GRM1: variants seen among roughly 807,000 people sequenced by gnomAD.
GRM1 encodes glutamate metabotropic receptor 1.
GRM1 carries 33 observed loss-of-function variants against 90.9 expected under a neutral mutation model. That is an observed-to-expected ratio of 0.36 (90% CI 0.28 to 0.49). GRM1 has a LOEUF of 0.49. Ranked by LOEUF, GRM1 falls within the 20% of genes least tolerant of loss-of-function variation. The pLI is 0.99. For missense variants in GRM1, 1,190 were observed against 1,534.3 expected (o/e 0.78, Z 3.75); for synonymous variants, 700 against 613.2 (o/e 1.14, Z -2.09).
At chr6:146,429,567 C>T (rs375321484) in intron 7 of GRM1, among the ~76,000 whole-genome samples, 4 of 151,994 alleles carry the variant, frequency 2.6e-5, no homozygotes, top group South Asian at 2.1e-4. Context: ...AGAGGGCTGA[C>T]GAATGTGAAG....
At chr6:146,048,228 A>C (rs976381925) in intron 1 of GRM1, among the ~76,000 whole-genome samples, 2 of 152,008 alleles carry the variant, frequency 1.3e-5, no homozygotes, top group African/African-American at 4.8e-5. Flanking sequence ...TTGTTTTGTT[A>C]AGAGGCAATC....
chr6:146,388,384 T>A (rs1562659063), intron 6 of GRM1, among the ~76,000 whole-genome samples: 1 of 152,064 alleles, frequency 6.6e-6, no homozygotes, highest in Non-Finnish European at 1.5e-5. Context: ...GGACATTTTT[T>A]TACTTGTTTC....
intron 6 of GRM1, among the ~76,000 whole-genome samples, chr6:146,395,221 G>C (rs1776885510): frequency 1.3e-5 from 2 of 151,966 alleles, no homozygotes; most frequent in African/African-American, 4.8e-5. Flanking sequence ...CCACATATTA[G>C]ACATTTTCTA....
At chr6:146,375,467 G>A (rs1191131466) in intron 5 of GRM1, among the ~76,000 whole-genome samples, 1 of 151,928 alleles carries the variant, frequency 6.6e-6, no homozygotes, top group African/African-American at 2.4e-5. Context: ...CTGACTGAAA[G>A]ATCTGTCTAA....
intron 2 of GRM1, among the ~76,000 whole-genome samples, chr6:146,188,087 T>C (rs1768189856): frequency 6.6e-6 from 1 of 150,508 alleles, no homozygotes; most frequent in African/African-American, 2.5e-5. Context: ...CAAAAAAGGA[T>C]TAATTTTTCT....
intron 2 of GRM1, among the ~76,000 whole-genome samples, chr6:146,275,332 A>G (rs1347067272): frequency 6.6e-6 from 1 of 152,146 alleles, no homozygotes; most frequent in Non-Finnish European, 1.5e-5. Flanking sequence ...AAGGGCATCT[A>G]AGTGAGTGAA....
intron 1 of GRM1, among the ~76,000 whole-genome samples, chr6:146,068,268 C>T (rs980207745): frequency 1.3e-5 from 2 of 151,958 alleles, no homozygotes. Context: ...CGCCCGCCAC[C>T]TCGCCTGGCT....
At chr6:146,423,988 G>A (rs1203854676) in intron 7 of GRM1, among the ~76,000 whole-genome samples, 2 of 152,138 alleles carry the variant, frequency 1.3e-5, no homozygotes, top group East Asian at 3.9e-4. Flanking sequence ...ACCAGACACG[G>A]CCATCCCCAT....
intron 5 of GRM1, among the ~76,000 whole-genome samples, chr6:146,370,796 C>T (rs1294503340): frequency 6.6e-6 from 1 of 152,030 alleles, no homozygotes; most frequent in Non-Finnish European, 1.5e-5. Flanking sequence ...TACACGTCCC[C>T]TCATTTGCAA....
intron 1 of GRM1, among the ~76,000 whole-genome samples, chr6:146,150,550 T>G (rs1777285055): frequency 6.6e-6 from 1 of 152,200 alleles, no homozygotes; most frequent in Non-Finnish European, 1.5e-5. Flanking sequence ...ATTGATCATT[T>G]CTTTGTTAGG....
intron 1 of GRM1, among the ~76,000 whole-genome samples, chr6:146,118,683 C>T (rs902962201): frequency 6.6e-6 from 1 of 152,196 alleles, no homozygotes; most frequent in Non-Finnish European, 1.5e-5. Flanking sequence ...TGAGTGAGAA[C>T]ATGCGGTGCA....
At chr6:146,328,142 C>T (rs1259867306) in intron 3 of GRM1, among the ~76,000 whole-genome samples, 1 of 152,184 alleles carries the variant, frequency 6.6e-6, no homozygotes, top group Admixed American at 6.6e-5. Flanking sequence ...CTTTTCTATG[C>T]ATTTCTAATA....
intron 5 of GRM1, among the ~76,000 whole-genome samples, chr6:146,385,399 A>G (rs1235686426): frequency 1.3e-5 from 2 of 152,046 alleles, no homozygotes; most frequent in Non-Finnish European, 2.9e-5. Flanking sequence ...CAATGGAATG[A>G]CATAACATGC....
At chr6:146,411,307 T>G (rs1777558227) in intron 7 of GRM1, among the ~76,000 whole-genome samples, 1 of 152,174 alleles carries the variant, frequency 6.6e-6, no homozygotes, top group African/African-American at 2.4e-5. Flanking sequence ...ATTAGAGCAG[T>G]CAGGGAATCT....
intron 1 of GRM1, among the ~76,000 whole-genome samples, chr6:146,091,559 G>C (rs6570738): frequency 1.3e-5 from 2 of 151,808 alleles, no homozygotes; most frequent in Non-Finnish European, 2.9e-5. Context: ...AAATTGCCCA[G>C]TGTGTTCAGG....
intron 2 of GRM1, among the ~76,000 whole-genome samples, chr6:146,177,830 G>T (rs1778390000): frequency 6.6e-6 from 1 of 152,188 alleles, no homozygotes; most frequent in South Asian, 2.1e-4. Flanking sequence ...TCATAGGTCT[G>T]CAGAGATTAT....
chr6:146,264,169 T>C (rs192907686), intron 2 of GRM1, among the ~76,000 whole-genome samples: 4 of 152,240 alleles, frequency 2.6e-5, no homozygotes, highest in Non-Finnish European at 5.9e-5. Context: ...AGAGCTACTA[T>C]TAAAGAGAAA....
At chr6:146,301,994 G>C (rs1283703242) in intron 2 of GRM1, among the ~76,000 whole-genome samples, 1 of 152,020 alleles carries the variant, frequency 6.6e-6, no homozygotes, top group Non-Finnish European at 1.5e-5. Context: ...AACACTTTGA[G>C]GACTTCCCAT....
chr6:146,385,735 T>C (rs926027826), intron 5 of GRM1, among the ~76,000 whole-genome samples: 4 of 151,976 alleles, frequency 2.6e-5, no homozygotes, highest in Non-Finnish European at 5.9e-5. Context: ...AATAATTCAT[T>C]TGGGAAGGGT....
Sources: allele counts gnomAD v4.1 joint callset (sites outside exome capture counted in the v4.1 genomes callset), GRCh38; gene constraint gnomAD v4.1.1; transcripts MANE v1.5; gene names NCBI Gene and HGNC (gene_info 2026-07-23, HGNC 2026-07-21).